MICALL2: variants seen among roughly 807,000 people sequenced by gnomAD.
MICALL2 encodes the protein MICAL like 2, also known as MICAL-like protein 2.
A neutral mutation model predicts 91.1 loss-of-function variants in MICALL2; 111 were observed. The ratio of observed to expected loss-of-function variants is 1.22; its 90% CI spans 1.04 to 1.43. The LOEUF (loss-of-function observed/expected upper bound fraction) is 1.43. Among genes scored for constraint, MICALL2 ranks in the 40% most tolerant of loss-of-function variants. The probability of loss-of-function intolerance (pLI) is 0.00; values close to 1 mark genes in which losing one functional copy is unlikely to be tolerated. For missense variants in MICALL2, 1,556 were observed against 1,236.0 expected (o/e 1.26, Z -3.88); for synonymous variants, 694 against 525.3 (o/e 1.32, Z -4.39).
chr7:1,436,257 G>A lies in MICALL2; in HGVS notation c.2591+485C>T, dbSNP rs142069346. Among the ~76,000 whole-genome samples, 370 of 151,864 alleles carry A rather than the reference G, an allele frequency of 2.4e-3. 2 individuals carry two copies. Among genetic ancestry groups the A allele is most frequent in the African/African-American group, 8.7e-3 (361 of 41,386 alleles). ...ATACAAAAAATTAGCCGGGCATGGT[G>A]GTGCGAGCTTGCTACTCAGGAGGCT... On this transcript the variant is annotated intron_variant, in intron 15 of 16. Coordinates refer to ENST00000297508, the MANE Select transcript of MICALL2 (RefSeq NM_182924.4).
At chr7:1,436,297 G>C (rs1268525923) in intron 15 of MICALL2, among the ~76,000 whole-genome samples, 1 of 151,730 alleles carries the variant, frequency 6.6e-6, no homozygotes, top group African/African-American at 2.4e-5. Context: ...CAGGAGAATC[G>C]CTTGAACTCG....
intron 3 of MICALL2, among the ~76,000 whole-genome samples, chr7:1,448,268 G>A (rs927374125): frequency 2.0e-5 from 3 of 152,254 alleles, no homozygotes; most frequent in African/African-American, 7.2e-5. Flanking sequence ...CAGAAGCTCA[G>A]GGGTCCAGAT....
Position 1,437,583 on chromosome 7 carries a change from G to A in MICALL2, c.2428C>T (p.Gln810Ter). ...YKSKAQRLEE[Q>*]QLDIEGELRR... ...AGCTCGCCCTCGATGTCCAGCTGCT[G>A]CTCCTCCAGACGCTGGGCCTTGGAC... Residue 810 changes from glutamine to a stop codon, truncating the protein, a stop_gained, in exon 14 of 17, where the codon CAG becomes TAG. Coordinates refer to ENST00000297508, the MANE Select transcript of MICALL2 (RefSeq NM_182924.4). LOFTEE classifies it high-confidence loss of function. 2 of 1,537,570 alleles carry A rather than the reference G, an allele frequency of 1.3e-6. No homozygotes were observed. Among genetic ancestry groups the A allele is most frequent in the Non-Finnish European group, 1.7e-6 (2 of 1,145,940 alleles).
chr7:1,444,796 G>C lies in MICALL2; in HGVS notation c.1274C>G (p.Ala425Gly). The C allele has an allele frequency of 1.2e-6, 2 of 1,611,358 alleles. No homozygotes were observed. Among genetic ancestry groups the C allele is most frequent in the Non-Finnish European group, 8.5e-7 (1 of 1,179,326 alleles). The change falls in exon 6 of 17, where the codon GCA becomes GGA. Residue 425 changes from alanine (A) to glycine (G), a missense_variant. Coordinates refer to ENST00000297508, the MANE Select transcript of MICALL2 (RefSeq NM_182924.4). ...QARNKFFQTS[A>G]VPPGTSLSGR... ...AGAAAGGCTGGTGCCGGGGGGCACT[G>C]CTGATGTTTGGAAAAACTTATTCCG...
In MICALL2 at chr7:1,434,472, G is replaced by A. The variant is rs1779857402; in HGVS notation, c.*124C>T. ...GCCCTTCCCGAGTCCAAGTCCGAAT[G>A]CCGGGTCCGGGCCGAGCCCACGGCC... On this transcript the variant is annotated 3_prime_UTR_variant, in exon 17 of 17. Transcript: ENST00000297508. The A allele has an allele frequency of 2.4e-6, 2 of 844,546 alleles. No homozygotes were observed. Among genetic ancestry groups the A allele is most frequent in the Non-Finnish European group, 4.0e-6 (2 of 497,500 alleles). The allele number at this position is 844,546 out of a possible 1,614,324, so 52.3% of individuals were successfully genotyped here.
Position 1,444,772 on chromosome 7 carries a change from G to A in MICALL2, c.1298C>T (p.Ser433Phe). The A allele has an allele frequency of 6.2e-7, 1 of 1,612,084 alleles. No homozygotes were observed. Among genetic ancestry groups the A allele is most frequent in the South Asian group, 1.1e-5 (1 of 91,070 alleles). The change falls in exon 6 of 17, where the codon TCT becomes TTT. Residue 433 changes from serine (S) to phenylalanine (F), a missense_variant. Transcript: ENST00000297508. ...TSAVPPGTSL[S>F]GRGPTPSLVL... ...AAGTGACGGGGTGGGACCTCTGCCAGAAAGGCTGGTGCCGGGGGGCACTGC... is the reference window on the plus strand; with the variant it reads ...AAGTGACGGGGTGGGACCTCTGCCAAAAAGGCTGGTGCCGGGGGGCACTGC...
chr7:1,437,019 G>A (rs1780002054), intron 14 of MICALL2, 163 bp from the exon 15 acceptor site: 3 of 533,036 alleles, frequency 5.6e-6, no homozygotes, highest in Non-Finnish European at 6.5e-6. Context: ...GTGAATGAAG[G>A]AAGGAACGGC....
At position 1,438,185 on chromosome 7, in the gene MICALL2, CTG is replaced by C. The variant is rs777320864; in HGVS notation, c.2221_2222del (p.Gln741GlufsTer31). The C allele has an allele frequency of 1.3e-6, 2 of 1,575,970 alleles. No individual in the cohort carries two copies. The highest frequency in any genetic ancestry group is 2.7e-5 in the African/African-American group (2 of 74,426). On this transcript the variant is annotated frameshift_variant, in exon 12 of 17. Transcript: ENST00000297508. LOFTEE classifies it high-confidence loss of function. ...GCCTCTCGATGTCCTGCAGCTGCCT[CTG>C]TATCTCCTCCGGGGAGAGGTAGTCG... ...HPDYLSPEEI[Q>X]RQLQDIERRL...
rs374578546 is a variant in MICALL2, at chr7:1,442,155, G to A, written c.1711+37C>T. The A allele has an allele frequency of 1.6e-5, 26 of 1,604,240 alleles. No individual in the cohort carries two copies. In the East Asian group the frequency reaches 4.7e-4, roughly 29 times the overall value. On this transcript the variant is annotated intron_variant, in intron 7 of 16. Coordinates refer to ENST00000297508, the MANE Select transcript of MICALL2 (RefSeq NM_182924.4). ...CCAGGGGAGAGTCCCAGAGCTGCGG[G>A]CCCCCGGGGCCTCCTGCCTCCCAGC...
At chr7:1,439,254 T>A in intron 9 of MICALL2, 1 of 499,884 alleles carries the variant, frequency 2.0e-6, no homozygotes, top group South Asian at 2.8e-5. Context: ...TGGATATGGA[T>A]CCAGGGCAGC....
In MICALL2 at chr7:1,436,744, G is replaced by C; in HGVS notation, c.2589C>G (p.Leu863=). 6.2e-7 allele frequency: 1 copy of C among 1,603,460 alleles called. No homozygotes were observed. Among genetic ancestry groups the C allele is most frequent in the Non-Finnish European group, 8.5e-7 (1 of 1,176,404 alleles). The change falls in exon 15 of 17, where the codon CTC becomes CTG. Residue 863 remains leucine (L), a splice_region_variant and synonymous_variant. Transcript: ENST00000297508. ...GGCCCCCGGCACCTGCCCCTCACCG[G>C]AGCCGGTCCTCGTCCAGCGAGTCCA... ...DIVDSLDEDR[L]REQEEDQMLR...
chr7:1,436,564 A>G (rs963865194), intron 15 of MICALL2, among the ~76,000 whole-genome samples, 178 bp downstream of exon 15: 3 of 151,848 alleles, frequency 2.0e-5, no homozygotes, highest in Non-Finnish European at 4.4e-5. Flanking sequence ...AAAAAAAAAA[A>G]AAAAAGACTT....
intron 8 of MICALL2, 170 bp from the exon 9 acceptor site, chr7:1,440,255 A>C: frequency 6.4e-6 from 5 of 780,868 alleles, no homozygotes; most frequent in Non-Finnish European, 1.0e-5. Context: ...CTGCAAACAC[A>C]CGTGTCCATC....
At chr7:1,440,361 G>A (rs1780220914) in intron 8 of MICALL2, 3 of 625,716 alleles carry the variant, frequency 4.8e-6, no homozygotes, top group East Asian at 2.8e-5. Context: ...CAGGCATGGT[G>A]CGTGAACCCA....
At chr7:1,440,788 AC>A in intron 7 of MICALL2, 104 bp from the exon 8 acceptor site, 1 of 918,722 alleles carries the variant, frequency 1.1e-6, no homozygotes, top group Middle Eastern at 3.0e-4. Flanking sequence ...TAGCCACTCC[AC>A]CCTCAGACAC....
rs575221617 is a variant in MICALL2, at chr7:1,444,412, C to T, written c.1418+240G>A. On this transcript the variant is annotated intron_variant, in intron 6 of 16. Transcript: ENST00000297508. ...CAGCGCCACCGCACCCATGACGCCC[C>T]GAGCACATGCGGACAGCAGCTTTTC... 2.6e-5 allele frequency among the ~76,000 whole-genome samples: 4 copies of T among 152,334 alleles called. No individual in the cohort carries two copies. In the South Asian group the frequency reaches 6.2e-4, roughly 24 times the overall value.
chr7:1,442,612 CA>C, intron 6 of MICALL2, 128 bp from the exon 7 acceptor site: 1 of 844,274 alleles, frequency 1.2e-6, no homozygotes, highest in South Asian at 1.8e-5. Context: ...CTCCCACCAT[CA>C]CCCCAGGCCA....
At chr7:1,457,036 T>C (rs1233755335) in intron 1 of MICALL2, among the ~76,000 whole-genome samples, 1 of 152,136 alleles carries the variant, frequency 6.6e-6, no homozygotes, top group Non-Finnish European at 1.5e-5. Flanking sequence ...TGGGCCTTGC[T>C]GCCTAAGGAG....
At position 1,442,344 on chromosome 7, in the gene MICALL2, A is replaced by G. The variant is rs770684505; in HGVS notation, c.1559T>C (p.Leu520Pro). The G allele has an allele frequency of 2.6e-5, 42 of 1,612,796 alleles. No individual in the cohort carries two copies. In the African/African-American group the frequency reaches 5.2e-4, roughly 20 times the overall value. ...TGCCTGAGAGGTACTGCTCGTGCTC[A>G]GCGGGGCTGGCGGTTCCATCCTCGA... ...LPSRMEPPAP[L>P]STSSTSQASA... The change falls in exon 7 of 17, where the codon CTG becomes CCG. Residue 520 changes from leucine to proline, a missense_variant. Coordinates refer to ENST00000297508, the MANE Select transcript of MICALL2 (RefSeq NM_182924.4).
Sources: gnomAD v4.1 joint callset for allele counts (sites outside exome capture counted in the v4.1 genomes callset) on GRCh38, gnomAD v4.1.1 for gene constraint, MANE v1.5 for transcripts, NCBI Gene and HGNC (gene_info 2026-07-23, HGNC 2026-07-21) for gene names.